The following SOX5 variants were observed in gnomAD, a reference collection of about 807,000 sequenced individuals.
SOX5 encodes SRY-box transcription factor 5, also known as transcription factor SOX-5.
SOX5 carries 9 observed loss-of-function variants against 92.0 expected under a neutral mutation model. The observed-to-expected ratio is 0.10, with a 90% CI of 0.06 to 0.17. The LOEUF (loss-of-function observed/expected upper bound fraction) is 0.17, where lower values mean the gene tolerates loss of function less well. SOX5 is among the 10% of genes least tolerant of loss of function. The pLI is 1.00. For synonymous variants in SOX5, 344 were observed against 336.3 expected (o/e 1.02, Z -0.25); for missense variants, 642 against 944.5 (o/e 0.68, Z 4.20).
intron 1 of SOX5, among the ~76,000 whole-genome samples, chr12:23,907,635 T>C (rs1379152940): frequency 2.0e-5 from 3 of 152,174 alleles, no homozygotes; most frequent in East Asian, 3.9e-4. Flanking sequence ...TGCGTATATA[T>C]GGGAATGTTT....
chr12:24,519,494 A>T (rs1383188195), intron 1 of SOX5, among the ~76,000 whole-genome samples: 1 of 152,186 alleles, frequency 6.6e-6, no homozygotes, highest in Non-Finnish European at 1.5e-5. Flanking sequence ...TGAGAAAAAA[A>T]AACTAAAGAT....
At chr12:23,620,274 T>C (rs550740767) in intron 8 of SOX5, among the ~76,000 whole-genome samples, 214 of 152,192 alleles carry the variant, frequency 1.4e-3, no homozygotes, top group African/African-American at 4.8e-3. Flanking sequence ...CAAAGGTAGA[T>C]GGGAATATAT....
chr12:24,289,630 A>G (rs1186108835), intron 2 of SOX5, among the ~76,000 whole-genome samples: 9 of 142,480 alleles, frequency 6.3e-5, no homozygotes, highest in African/African-American at 2.6e-4. Context: ...ATTTTTTTGT[A>G]TTTTTTAGTA....
intron 4 of SOX5, among the ~76,000 whole-genome samples, chr12:24,154,613 T>A (rs960484474): frequency 1.3e-5 from 2 of 152,126 alleles, no homozygotes; most frequent in Non-Finnish European, 2.9e-5. Context: ...ATTAAAAAAA[T>A]TTATGAAGAG....
intron 3 of SOX5, chr12:24,223,184 C>G (rs1565690058): frequency 6.6e-6 from 1 of 152,140 alleles, no homozygotes; most frequent in Non-Finnish European, 1.5e-5. Context: ...TACAAACACA[C>G]AATTTAGAGT....
chr12:23,887,119 T>C (rs1287277162), intron 2 of SOX5, among the ~76,000 whole-genome samples: 4 of 152,164 alleles, frequency 2.6e-5, no homozygotes, highest in Admixed American at 6.5e-5. Flanking sequence ...AACTTAATCA[T>C]AAAACCAACA....
Position 24,556,254 on chromosome 12 carries a change from A to G in SOX5, c.-251+6075T>C, listed in dbSNP as rs566569596. 2.0e-5 allele frequency among the ~76,000 whole-genome samples: 3 copies of G among 152,354 alleles called. No homozygotes were observed. In the South Asian group the frequency reaches 6.2e-4, roughly 32 times the overall value. Reference sequence around the variant, plus strand: ...GGAACCCCAATTAATGCAAGAAAATACATTTATTTTCTGTTTTAAGAAGAC... The same window carrying G: ...GGAACCCCAATTAATGCAAGAAAATGCATTTATTTTCTGTTTTAAGAAGAC... On this transcript the variant is annotated intron_variant, in intron 1 of 4. Transcript: ENST00000446891.
chr12:23,876,267 A>G (rs1327338823), intron 2 of SOX5, among the ~76,000 whole-genome samples: 1 of 152,222 alleles, frequency 6.6e-6, no homozygotes, highest in African/African-American at 2.4e-5. Flanking sequence ...AAGGAACTTA[A>G]ACAAATTTAC....
chr12:24,300,597 T>C (rs1022261619), intron 2 of SOX5, among the ~76,000 whole-genome samples: 2 of 152,240 alleles, frequency 1.3e-5, no homozygotes, highest in Non-Finnish European at 2.9e-5. Context: ...AGACTTTTTA[T>C]TCCTTCTGTT....
At chr12:23,616,953 CA>C (rs1184518273) in intron 8 of SOX5, among the ~76,000 whole-genome samples, 2 of 151,832 alleles carry the variant, frequency 1.3e-5, no homozygotes, top group Non-Finnish European at 2.9e-5. Flanking sequence ...AACCCCATTT[CA>C]ACAAAAACTT....
intron 4 of SOX5, among the ~76,000 whole-genome samples, chr12:23,750,976 T>C (rs11047081): frequency 0.043 from 6,602 of 151,976 alleles, 397 homozygotes; most frequent in African/African-American, 0.13. Context: ...ATAGACATTG[T>C]CAAACTTATT....
intron 4 of SOX5, among the ~76,000 whole-genome samples, chr12:24,157,549 AC>A (rs1952313305): frequency 6.6e-6 from 1 of 152,146 alleles, no homozygotes. Context: ...TTAAATAGAT[AC>A]CTAAATGGGA....
At chr12:24,211,904 A>G (rs1350298362) in intron 4 of SOX5, among the ~76,000 whole-genome samples, 1 of 152,232 alleles carries the variant, frequency 6.6e-6, no homozygotes, top group African/African-American at 2.4e-5. Context: ...TATTTATATA[A>G]TTGTTGGATG....
At chr12:24,017,895 G>A (rs1423472125) in intron 4 of SOX5, among the ~76,000 whole-genome samples, 1 of 152,076 alleles carries the variant, frequency 6.6e-6, no homozygotes, top group Non-Finnish European at 1.5e-5. Flanking sequence ...CATCTCTGCA[G>A]GAAAGATGCG....
chr12:24,304,239 TAGGAAA>T (rs142861419), intron 2 of SOX5, among the ~76,000 whole-genome samples: 2,382 of 152,100 alleles, frequency 0.016, 31 homozygotes, highest in East Asian at 0.05. Flanking sequence ...AAATAGCAAG[TAGGAAA>T]ATATACAATT....
intron 2 of SOX5, among the ~76,000 whole-genome samples, chr12:23,865,144 C>G (rs2096797191): frequency 3.3e-5 from 5 of 152,170 alleles, no homozygotes; most frequent in Non-Finnish European, 7.4e-5. Context: ...GCTTAGATGA[C>G]AGCATATCTG....
intron 2 of SOX5, among the ~76,000 whole-genome samples, chr12:23,886,872 C>T (rs7959932): frequency 0.68 from 102,724 of 151,958 alleles, 34,821 homozygotes; most frequent in East Asian, 0.88. Context: ...AAAGCATAAG[C>T]TCATGGACAT....
chr12:23,848,833 C>T (rs1283585487), intron 2 of SOX5, among the ~76,000 whole-genome samples: 8 of 152,150 alleles, frequency 5.3e-5, no homozygotes, highest in African/African-American at 7.2e-5. Flanking sequence ...CTGTGATATA[C>T]GACCTCTAAA....
chr12:24,145,001 A>C (rs1950935453), intron 4 of SOX5, among the ~76,000 whole-genome samples: 1 of 152,060 alleles, frequency 6.6e-6, no homozygotes, highest in African/African-American at 2.4e-5. Context: ...TGGAGATGGG[A>C]GAATCACCTG....
Sources: gnomAD v4.1 joint callset for allele counts (sites outside exome capture counted in the v4.1 genomes callset) on GRCh38, gnomAD v4.1.1 for gene constraint, MANE v1.5 for transcripts, NCBI Gene and HGNC (gene_info 2026-07-23, HGNC 2026-07-21) for gene names.